Variants in FRMD4A observed in about 807,000 individuals in gnomAD.
FRMD4A encodes FERM domain containing 4A, also known as FERM domain-containing protein 4A.
A neutral mutation model predicts 129.1 loss-of-function variants in FRMD4A; 29 were observed. The observed-to-expected ratio is 0.22, with a 90% CI of 0.17 to 0.31. The LOEUF (loss-of-function observed/expected upper bound fraction) is 0.31. Ranked by LOEUF, FRMD4A falls within the 10% of genes least tolerant of loss-of-function variation. The pLI, the probability that FRMD4A is intolerant of heterozygous loss-of-function variation, is 1.00. For synonymous variants in FRMD4A, 634 were observed against 571.6 expected, an observed-to-expected ratio of 1.11 and a Z score of -1.56; for missense variants, 1,272 against 1,375.8, an observed-to-expected ratio of 0.92 and a Z score of 1.19.
At chr10:13,654,264 A>AG (rs1160400170) in intron 23 of FRMD4A, 152 bp downstream of exon 23, 5 of 665,004 alleles carry the variant, frequency 7.5e-6, no homozygotes, top group Non-Finnish European at 1.4e-5. Flanking sequence ...CAGAGGTGAC[A>AG]GCAGATCATG....
intron 2 of FRMD4A, among the ~76,000 whole-genome samples, chr10:14,101,339 A>G (rs1387716725): frequency 6.6e-6 from 1 of 152,210 alleles, no homozygotes; most frequent in Non-Finnish European, 1.5e-5. Context: ...TTGCTTAGCC[A>G]CTTCCCAGAC....
intron 19 of FRMD4A, among the ~76,000 whole-genome samples, chr10:13,662,892 G>A (rs753115183): frequency 6.6e-6 from 1 of 152,268 alleles, no homozygotes; most frequent in Admixed American, 6.5e-5. Flanking sequence ...TATGCCTAGT[G>A]TGTAGATTCT....
intron 4 of FRMD4A, among the ~76,000 whole-genome samples, chr10:13,802,621 A>T (rs1008626748): frequency 7.7e-6 from 1 of 129,702 alleles, no homozygotes; most frequent in South Asian, 2.2e-4. Context: ...TTGGGTAATT[A>T]AAAAAAAAGG....
chr10:13,950,480 A>T (rs148148603), intron 2 of FRMD4A, among the ~76,000 whole-genome samples: 26 of 152,336 alleles, frequency 1.7e-4, no homozygotes, highest in African/African-American at 4.8e-4. Flanking sequence ...TGCCTATGGT[A>T]GGGTAGGAGA....
chr10:13,830,837 A>C lies in FRMD4A; in HGVS notation c.112-19929T>G, dbSNP rs143106656. On this transcript the variant is annotated intron_variant, in intron 3 of 24. Transcript: ENST00000357447. ...CAGAGTCTCGCTCTGTCACCCAGGC[A>C]GGAGTTCAATGGCACATTCTCGGCT... 9.5e-3 allele frequency among the ~76,000 whole-genome samples: 1,443 copies of C among 152,258 alleles called. 24 individuals are homozygous for C. Among genetic ancestry groups the C allele is most frequent in the African/African-American group, 0.033 (1,356 of 41,548 alleles).
chr10:13,685,322 G>A, intron 15 of FRMD4A: 1 of 984,150 alleles, frequency 1.0e-6, no homozygotes, highest in Non-Finnish European at 1.2e-6. Context: ...ATGGCTCACT[G>A]GCACTCGGTG....
chr10:13,884,386 A>C (rs1192382017), intron 2 of FRMD4A, among the ~76,000 whole-genome samples: 1 of 152,200 alleles, frequency 6.6e-6, no homozygotes, highest in African/African-American at 2.4e-5. Flanking sequence ...AAGTAGACAA[A>C]GAACATTATG....
At chr10:14,268,709 C>T (rs1564429089) in intron 2 of FRMD4A, among the ~76,000 whole-genome samples, 1 of 152,186 alleles carries the variant, frequency 6.6e-6, no homozygotes, top group African/African-American at 2.4e-5. Context: ...AGCTTGGGGA[C>T]TCTTTATCTG....
intron 3 of FRMD4A, among the ~76,000 whole-genome samples, chr10:13,829,956 AC>A (rs1274090491): frequency 6.6e-6 from 1 of 152,138 alleles, no homozygotes; most frequent in Non-Finnish European, 1.5e-5. Context: ...AGTGCAGAAG[AC>A]CTCTGACCCC....
At chr10:14,208,089 T>C (rs1048520102) in intron 2 of FRMD4A, among the ~76,000 whole-genome samples, 3 of 151,920 alleles carry the variant, frequency 2.0e-5, no homozygotes, top group African/African-American at 7.3e-5. Context: ...CCCGGCTACT[T>C]GAGAGGCTGA....
chr10:14,096,767 G>A (rs981754616), intron 2 of FRMD4A, among the ~76,000 whole-genome samples: 4 of 152,080 alleles, frequency 2.6e-5, no homozygotes, highest in Non-Finnish European at 2.9e-5. Flanking sequence ...AGTGAAATGG[G>A]AACATTACAA....
At chr10:14,223,841 C>T (rs1843346663) in intron 2 of FRMD4A, among the ~76,000 whole-genome samples, 1 of 151,824 alleles carries the variant, frequency 6.6e-6, no homozygotes, top group Non-Finnish European at 1.5e-5. Flanking sequence ...AGCAACCCCA[C>T]ATCTCCCTGT....
At chr10:13,966,317 C>A (rs1306426591) in intron 2 of FRMD4A, among the ~76,000 whole-genome samples, 1 of 152,142 alleles carries the variant, frequency 6.6e-6, no homozygotes, top group Non-Finnish European at 1.5e-5. Flanking sequence ...AATGATTTTC[C>A]TTTTAAGTCT....
At chr10:14,040,198 G>A (rs760403877) in intron 2 of FRMD4A, among the ~76,000 whole-genome samples, 23 of 152,074 alleles carry the variant, frequency 1.5e-4, no homozygotes, top group Admixed American at 1.2e-3. Flanking sequence ...TCTGGCTCCG[G>A]GGTCAGTGAT....
intron 2 of FRMD4A, among the ~76,000 whole-genome samples, chr10:14,318,649 C>G (rs1257062488): frequency 6.7e-6 from 1 of 149,668 alleles, no homozygotes; most frequent in Non-Finnish European, 1.5e-5. Context: ...CAGATATCAA[C>G]CTATCACTCA....
rs557540105 is a variant in FRMD4A, at chr10:14,014,196, G to T, written c.46-155284C>A. On this transcript the variant is annotated intron_variant, in intron 2 of 24. Coordinates refer to ENST00000357447, the MANE Select transcript of FRMD4A (RefSeq NM_018027.5). ...AGAAACCGTCGCTTTGATGGAAGTT[G>T]GTGTTGTAATTATTGTCATGTGAAG... Among the ~76,000 whole-genome samples, 14 of 152,226 alleles carry T rather than the reference G, an allele frequency of 9.2e-5. No individual in the cohort carries two copies. In the East Asian group the frequency reaches 2.5e-3, roughly 27 times the overall value.
intron 2 of FRMD4A, among the ~76,000 whole-genome samples, chr10:14,053,574 C>G (rs1565214663): frequency 6.6e-6 from 1 of 152,196 alleles, no homozygotes; most frequent in Non-Finnish European, 1.5e-5. Flanking sequence ...CCTCTGCCAA[C>G]TCTGGTAAGT....
chr10:13,869,380 T>C (rs1447869963), intron 2 of FRMD4A, among the ~76,000 whole-genome samples: 1 of 151,936 alleles, frequency 6.6e-6, no homozygotes, highest in Non-Finnish European at 1.5e-5. Context: ...TGTGGGGAGG[T>C]GGGTGCACTT....
At chr10:13,847,799 A>T (rs1477532775) in intron 3 of FRMD4A, among the ~76,000 whole-genome samples, 1 of 152,258 alleles carries the variant, frequency 6.6e-6, no homozygotes, top group African/African-American at 2.4e-5. Context: ...TCTAGACAGG[A>T]ACTCCTAACC....
Sources: allele counts gnomAD v4.1 joint callset (sites outside exome capture counted in the v4.1 genomes callset), GRCh38; gene constraint gnomAD v4.1.1; transcripts MANE v1.5; gene names NCBI Gene and HGNC (gene_info 2026-07-23, HGNC 2026-07-21).